The following FCHO2 variants were observed in gnomAD, a reference collection of about 807,000 sequenced individuals.
The protein encoded by FCHO2 is F-BAR domain only protein 2.
Under a neutral mutation model 114.1 loss-of-function variants are expected in FCHO2, and 43 were observed. The observed-to-expected ratio is 0.38, with a 90% CI of 0.30 to 0.49. The LOEUF (loss-of-function observed/expected upper bound fraction) is 0.49, where lower values mean the gene tolerates loss of function less well. FCHO2 is among the 20% of genes least tolerant of loss of function. FCHO2 has a pLI of 0.97. For synonymous variants in FCHO2, 293 were observed against 315.2 expected (o/e 0.93, Z 0.75); for missense variants, 807 against 950.4 (o/e 0.85, Z 1.98).
At chr5:73,029,897 C>T (rs1316323625) in intron 8 of FCHO2, among the ~76,000 whole-genome samples, 2 of 152,186 alleles carry the variant, frequency 1.3e-5, no homozygotes, top group East Asian at 1.9e-4. Flanking sequence ...CCACCTCCCA[C>T]GTGGGAATCG....
intron 13 of FCHO2, 52 bp downstream of exon 13, chr5:73,052,559 C>CG: frequency 7.1e-7 from 1 of 1,403,828 alleles, no homozygotes; most frequent in Non-Finnish European, 9.7e-7. Context: ...ATTTTTCTTA[C>CG]CTACCTGTGT....
intron 6 of FCHO2, among the ~76,000 whole-genome samples, chr5:73,014,286 TCTTTTTC>T (rs1755179153): frequency 1.3e-5 from 2 of 150,572 alleles, no homozygotes; most frequent in Admixed American, 6.6e-5. Flanking sequence ...TTCTTTTTTT[TCTTTTTC>T]TTTTTTTTTT....
chr5:73,043,461 A>T (rs950589118), intron 11 of FCHO2, among the ~76,000 whole-genome samples: 2 of 152,080 alleles, frequency 1.3e-5, no homozygotes, highest in African/African-American at 2.4e-5. Context: ...GTATACATAT[A>T]CACACATATA....
chr5:73,017,699 G>C (rs575215433), intron 8 of FCHO2, among the ~76,000 whole-genome samples: 11 of 151,928 alleles, frequency 7.2e-5, no homozygotes, highest in African/African-American at 2.7e-4. Flanking sequence ...AATATTGAAC[G>C]CTCAGAACAT....
At chr5:73,006,362 A>C in intron 5 of FCHO2, 83 bp from the exon 6 acceptor site, 1 of 799,156 alleles carries the variant, frequency 1.3e-6, no homozygotes, top group Non-Finnish European at 1.8e-6. Flanking sequence ...AATGTATTTT[A>C]ATTTGTTATT....
intron 11 of FCHO2, among the ~76,000 whole-genome samples, chr5:73,050,044 A>C (rs1757268986): frequency 6.6e-6 from 1 of 152,094 alleles, no homozygotes; most frequent in African/African-American, 2.4e-5. Flanking sequence ...TTTACATTAT[A>C]TATATCTTTA....
intron 23 of FCHO2, among the ~76,000 whole-genome samples, chr5:73,082,395 C>T (rs1299371153): frequency 6.6e-6 from 1 of 151,820 alleles, no homozygotes; most frequent in Non-Finnish European, 1.5e-5. Flanking sequence ...TTAGCAACTT[C>T]TCCTGTCCCC....
At chr5:73,072,784 G>A (rs1237388309) in intron 19 of FCHO2, among the ~76,000 whole-genome samples, 8 of 151,960 alleles carry the variant, frequency 5.3e-5, no homozygotes, top group African/African-American at 1.9e-4. Flanking sequence ...TTTATAAGAC[G>A]AACAGAGTTA....
intron 2 of FCHO2, among the ~76,000 whole-genome samples, chr5:72,972,829 G>T (rs1177424129): frequency 6.6e-6 from 1 of 152,076 alleles, no homozygotes; most frequent in Non-Finnish European, 1.5e-5. Context: ...TATGATATTG[G>T]CTGTGGGTTT....
In FCHO2 at chr5:72,985,970, C is replaced by CT. The variant is rs569922268; in HGVS notation, c.126-3454dup. 9.9e-5 allele frequency among the ~76,000 whole-genome samples: 15 copies of CT among 152,206 alleles called. No individual in the cohort carries two copies. The East Asian group carries it at 2.1e-3, about 22-fold the overall frequency. On this transcript the variant is annotated intron_variant, in intron 2 of 25. Transcript: ENST00000430046. ...ATATTTTCTCTAACTCATTCTTTCT[C>CT]TTTACTCATTTATCTGACTTTTCTT...
At position 73,063,886 on chromosome 5, in the gene FCHO2, C is replaced by T. The variant is rs1285285249; in HGVS notation, c.1391C>T (p.Pro464Leu). 12 of 1,612,018 alleles carry T rather than the reference C, an allele frequency of 7.4e-6. No homozygotes were observed. The highest frequency in any genetic ancestry group is 1.3e-5 in the African/African-American group (1 of 74,828). The change falls in exon 18 of 26, where the codon CCG becomes CTG. Residue 464 changes from proline to leucine, a missense_variant. Coordinates refer to ENST00000430046, the MANE Select transcript of FCHO2 (RefSeq NM_138782.3). ...TCTGTAGGCACCATTGTCCCACCTCCGAGGCCTGCTTCCAGACCAAAGCTT... is the reference window on the plus strand; with the variant it reads ...TCTGTAGGCACCATTGTCCCACCTCTGAGGCCTGCTTCCAGACCAAAGCTT... ...PLSVGTIVPP[P>L]RPASRPKLTS...
At chr5:73,036,921 T>C (rs1756540527) in intron 9 of FCHO2, among the ~76,000 whole-genome samples, 1 of 152,170 alleles carries the variant, frequency 6.6e-6, no homozygotes, top group Admixed American at 6.5e-5. Flanking sequence ...ATCTATAAAG[T>C]AAATGTTCTA....
At chr5:73,050,360 C>T (rs1475713959) in intron 11 of FCHO2, among the ~76,000 whole-genome samples, 1 of 151,010 alleles carries the variant, frequency 6.6e-6, no homozygotes, top group African/African-American at 2.4e-5. Context: ...CGCTCTTTTG[C>T]CAGGCTGGAG....
intron 17 of FCHO2, among the ~76,000 whole-genome samples, chr5:73,060,179 A>T (rs1757790617): frequency 6.6e-6 from 1 of 151,932 alleles, no homozygotes. Flanking sequence ...GTTCGTTTTC[A>T]TTTAGTGGTC....
chr5:73,078,306 G>A lies in FCHO2; in HGVS notation c.1974G>A (p.Lys658=). The change falls in exon 22 of 26, where the codon AAG becomes AAA. Residue 658 remains lysine (K), a synonymous_variant. Transcript: ENST00000430046. ...CTTATTATAATGTAGATGTATTAAA[G>A]TATCAGGTGAGTGTCACGACATTGC... ...AASYYNVDVL[K]YQVSSNGIQS... The A allele has an allele frequency of 6.3e-7, 1 of 1,598,044 alleles. No individual in the cohort carries two copies. Among genetic ancestry groups the A allele is most frequent in the South Asian group, 1.2e-5 (1 of 86,866 alleles).
intron 2 of FCHO2, among the ~76,000 whole-genome samples, chr5:72,976,522 A>C (rs1029850532): frequency 3.9e-5 from 6 of 152,074 alleles, no homozygotes; most frequent in Admixed American, 3.9e-4. Flanking sequence ...ATCTTTTCAT[A>C]TGCTTATTTG....
intron 2 of FCHO2, among the ~76,000 whole-genome samples, chr5:72,987,680 C>G (rs188382230): frequency 3.3e-5 from 5 of 152,140 alleles, no homozygotes; most frequent in African/African-American, 9.7e-5. Flanking sequence ...AACTTCTTTA[C>G]CTTGCTGTTA....
At chr5:73,062,207 C>T (rs1757887971) in intron 17 of FCHO2, among the ~76,000 whole-genome samples, 1 of 152,072 alleles carries the variant, frequency 6.6e-6, no homozygotes, top group African/African-American at 2.4e-5. Context: ...CCTTCAGAAG[C>T]TTCTAGAAGC....
chr5:73,020,072 C>T (rs1034942761), intron 8 of FCHO2, among the ~76,000 whole-genome samples: 2 of 152,064 alleles, frequency 1.3e-5, no homozygotes, highest in Admixed American at 6.6e-5. Flanking sequence ...CCAAAAAGCT[C>T]CTGGAGAGGC....
Sources: allele counts gnomAD v4.1 joint callset (sites outside exome capture counted in the v4.1 genomes callset), GRCh38; gene constraint gnomAD v4.1.1; transcripts MANE v1.5; gene names NCBI Gene and HGNC (gene_info 2026-07-23, HGNC 2026-07-21).